Variants in LOC128092252 observed in about 807,000 individuals in gnomAD.
the LOC128092252 span, among the ~76,000 whole-genome samples, chr15:50,651,488 A>T: frequency 0.33 from 49,871 of 151,792 alleles, 9,975 homozygotes; most frequent in Admixed American, 0.47. Flanking sequence ...TAATAAAAAT[A>T]AAAAAAATTT....
chr15:50,662,863 G>A, the LOC128092252 span: 2 of 835,364 alleles, frequency 2.4e-6, no homozygotes, highest in African/African-American at 1.7e-5. Context: ...GTAACAGTAA[G>A]TACAAATAAT....
the LOC128092252 span, among the ~76,000 whole-genome samples, chr15:50,675,470 G>A: frequency 1.3e-5 from 2 of 151,860 alleles, no homozygotes; most frequent in Admixed American, 6.6e-5. Flanking sequence ...CTTCCCACAC[G>A]TAGCATTCTC....
At chr15:50,663,655 C>T in the LOC128092252 span, among the ~76,000 whole-genome samples, 1 of 152,128 alleles carries the variant, frequency 6.6e-6, no homozygotes, top group Admixed American at 6.5e-5. Context: ...TGGTATTATT[C>T]TGGGATATGA....
chr15:50,668,815 GATATTT>G, the LOC128092252 span, among the ~76,000 whole-genome samples: 1 of 152,028 alleles, frequency 6.6e-6, no homozygotes, highest in African/African-American at 2.4e-5. Context: ...GCCTACAATA[GATATTT>G]GTATAAGTGC....
the LOC128092252 span, among the ~76,000 whole-genome samples, chr15:50,666,457 A>AAAGAAGAGGAGGAAGAGG: frequency 6.6e-6 from 1 of 151,622 alleles, no homozygotes; most frequent in Non-Finnish European, 1.5e-5. Context: ...TAGAAGGGAG[A>AAAGAAGAGGAGGAAGAGG]AAGAAGAGGA....
At chr15:50,666,480 A>G in the LOC128092252 span, among the ~76,000 whole-genome samples, 1 of 151,868 alleles carries the variant, frequency 6.6e-6, no homozygotes, top group African/African-American at 2.4e-5. Flanking sequence ...AAGAGGAAGA[A>G]GAGGAAGAAG....
chr15:50,664,084 A>T, the LOC128092252 span, among the ~76,000 whole-genome samples: 1 of 152,100 alleles, frequency 6.6e-6, no homozygotes, highest in Non-Finnish European at 1.5e-5. Flanking sequence ...CGGATCACAA[A>T]GTCAGAAGAC....
chr15:50,666,592 T>C, the LOC128092252 span, among the ~76,000 whole-genome samples: 1 of 151,558 alleles, frequency 6.6e-6, no homozygotes, highest in South Asian at 2.1e-4. Flanking sequence ...TCACCTGACG[T>C]TGGGAGTTCG....
At chr15:50,678,509 A>G in the LOC128092252 span, among the ~76,000 whole-genome samples, 2 of 19,922 alleles carry the variant, frequency 1.0e-4, no homozygotes, top group Non-Finnish European at 5.1e-4. Context: ...CATTCTTTAA[A>G]AAAAAAAAAT....
the LOC128092252 span, among the ~76,000 whole-genome samples, chr15:50,665,662 T>C: frequency 0.15 from 22,239 of 152,148 alleles, 2,216 homozygotes; most frequent in Admixed American, 0.28. Flanking sequence ...AAATGGTGCA[T>C]GTATAGGAAA....
chr15:50,684,845 T>C, the LOC128092252 span, among the ~76,000 whole-genome samples: 2 of 152,174 alleles, frequency 1.3e-5, no homozygotes, highest in Non-Finnish European at 2.9e-5. Context: ...CCAAATGCTA[T>C]GTGCAGAATT....
At chr15:50,685,339 C>G in the LOC128092252 span, among the ~76,000 whole-genome samples, 1 of 152,206 alleles carries the variant, frequency 6.6e-6, no homozygotes, top group Non-Finnish European at 1.5e-5. Flanking sequence ...TGGCTACAGT[C>G]CCAGCTACTC....
chr15:50,674,372 T>C, the LOC128092252 span, among the ~76,000 whole-genome samples: 1 of 152,176 alleles, frequency 6.6e-6, no homozygotes, highest in Non-Finnish European at 1.5e-5. Flanking sequence ...TCTCAGGTGA[T>C]CCACCCGCCT....
At chr15:50,651,120 G>T in the LOC128092252 span, among the ~76,000 whole-genome samples, 1 of 152,174 alleles carries the variant, frequency 6.6e-6, no homozygotes, top group Non-Finnish European at 1.5e-5. Context: ...CCAGGAGGCA[G>T]AGGTTGCAGT....
At chr15:50,648,918 C>A in the LOC128092252 span, 19 of 1,511,926 alleles carry the variant, frequency 1.3e-5, no homozygotes, top group East Asian at 4.7e-5. Flanking sequence ...AAACACCCTT[C>A]AAAAAATTAG....
At chr15:50,679,333 C>CAA in the LOC128092252 span, among the ~76,000 whole-genome samples, 28 of 137,344 alleles carry the variant, frequency 2.0e-4, no homozygotes, top group Admixed American at 3.7e-4. Context: ...AAACACTATC[C>CAA]AAAAAAAACA....
the LOC128092252 span, among the ~76,000 whole-genome samples, chr15:50,679,090 T>TACTTGGGAGG: frequency 2.0e-5 from 3 of 150,368 alleles, no homozygotes; most frequent in South Asian, 2.1e-4. Flanking sequence ...GCCAGGATGG[T>TACTTGGGAGG]CTCGATCTCT....
chr15:50,681,920 G>A, the LOC128092252 span, among the ~76,000 whole-genome samples: 3 of 152,068 alleles, frequency 2.0e-5, no homozygotes, highest in East Asian at 1.9e-4. Flanking sequence ...GGTGGCTCAC[G>A]CCTGTAATCC....
chr15:50,655,986 T>A, the LOC128092252 span, among the ~76,000 whole-genome samples: 2 of 141,818 alleles, frequency 1.4e-5, no homozygotes, highest in African/African-American at 5.2e-5. Flanking sequence ...AGGGCAAGAC[T>A]CCATCTCAAA....
Sources: gnomAD v4.1 joint callset for allele counts (sites outside exome capture counted in the v4.1 genomes callset) on GRCh38, gnomAD v4.1.1 for gene constraint, MANE v1.5 for transcripts.